GMCL1: variants seen among roughly 807,000 people sequenced by gnomAD.
GMCL1 encodes the protein germ cell-less protein-like 1.
A neutral mutation model predicts 75.5 loss-of-function variants in GMCL1; 54 were observed. That is an observed-to-expected ratio of 0.71 (90% CI 0.57 to 0.90). GMCL1 has a LOEUF of 0.90. Among genes scored for constraint, GMCL1 ranks in the 40% least tolerant of loss-of-function variants. GMCL1 has a pLI of 0.00. For missense variants in GMCL1, 537 were observed against 622.7 expected (o/e 0.86, Z 1.47); for synonymous variants, 210 against 209.6 (o/e 1.00, Z -0.02).
intron 8 of GMCL1, among the ~76,000 whole-genome samples, chr2:69,851,472 T>C (rs1165133139): frequency 6.6e-6 from 1 of 152,056 alleles, no homozygotes; most frequent in Non-Finnish European, 1.5e-5. Context: ...TAGCCGGGTA[T>C]GGTGGTGGTC....
chr2:69,869,743 A>G lies in GMCL1; in HGVS notation c.1243A>G (p.Asn415Asp), dbSNP rs747958219. Residue 415 changes from asparagine (N) to aspartate (D), a missense_variant, in exon 12 of 14, where the codon AAC (asparagine) becomes GAC (aspartate). Asn to Asp is a conservative substitution (Grantham distance 23, BLOSUM62 1). Coordinates refer to ENST00000282570, the MANE Select transcript of GMCL1 (RefSeq NM_178439.5). The stretch of plus-strand genomic sequence containing the variant: ...GTACTGCTGGCGTTGGACAGGTTTT[A>G]ACTTCGGCTTCGACCTACTTGTAAC... ...GEYCWRWTGF[N>D]FGFDLLVTYT... 6.2e-7 allele frequency: 1 copy of G among 1,614,008 alleles called. No individual in the cohort carries two copies. The highest frequency in any genetic ancestry group is 1.1e-5 in the South Asian group (1 of 91,072).
chr2:69,876,027 A>G (rs980351325), intron 13 of GMCL1, among the ~76,000 whole-genome samples: 2 of 152,106 alleles, frequency 1.3e-5, no homozygotes, highest in Admixed American at 6.5e-5. Context: ...GAAATGAATC[A>G]TTTGTTCTAA....
chr2:69,858,700 G>A (rs1344320568), intron 9 of GMCL1, among the ~76,000 whole-genome samples: 2 of 152,054 alleles, frequency 1.3e-5, no homozygotes, highest in African/African-American at 4.8e-5. Flanking sequence ...GAATCCTTGA[G>A]CTACCAATGA....
chr2:69,871,828 A>T lies in GMCL1; in HGVS notation c.1448A>T (p.Asp483Val). Reference sequence around the variant, plus strand: ...TATCAAATACTTACACTTGAAAAGGATCAGGTATGTTCGATTATCTTCTGG... The same window carrying T: ...TATCAAATACTTACACTTGAAAAGGTTCAGGTATGTTCGATTATCTTCTGG... ...TGYQILTLEK[D>V]QEQVVMNLDS... is the part of the protein sequence containing the mutation. Residue 483 changes from aspartate to valine, a missense_variant, in exon 13 of 14, where the codon GAT (aspartate) becomes GTT (valine). Asp to Val is a radical substitution (Grantham distance 152, BLOSUM62 -3). Around this residue, in one of 3 missense-constraint regions of GMCL1, gnomAD observed 345 missense variants for 410.5 expected, o/e 0.84. Transcript: ENST00000282570. 6.4e-7 allele frequency: 1 copy of T among 1,558,650 alleles called. No homozygotes were observed. Among genetic ancestry groups the T allele is most frequent in the African/African-American group, 1.4e-5 (1 of 73,456 alleles).
At chr2:69,853,440 CTT>C (rs1344600954) in intron 8 of GMCL1, among the ~76,000 whole-genome samples, 1 of 152,142 alleles carries the variant, frequency 6.6e-6, no homozygotes, top group Admixed American at 6.5e-5. Flanking sequence ...ACTTGGCTGT[CTT>C]TTTACAATTT....
Position 69,829,747 on chromosome 2 carries a change from T to G in GMCL1, c.-146T>G. 1 of 898,132 alleles carries G rather than the reference T, an allele frequency of 1.1e-6. No homozygotes were observed. Among genetic ancestry groups the G allele is most frequent in the Non-Finnish European group, 1.6e-6 (1 of 614,352 alleles). The allele number at this position is 898,132 out of a possible 1,614,324, so 55.6% of individuals were successfully genotyped here. On this transcript the variant is annotated 5_prime_UTR_variant, in exon 1 of 14. Transcript: ENST00000282570. ...TGCGGGCGGGGAAGAGGATGGAGAC[T>G]GTGGCGTCCGCTGCAACGGTTGGGG...
intron 11 of GMCL1, among the ~76,000 whole-genome samples, chr2:69,868,562 T>C (rs1249994446): frequency 1.3e-5 from 2 of 151,510 alleles, no homozygotes; most frequent in Non-Finnish European, 2.9e-5. Flanking sequence ...TATTTTTATT[T>C]TTATTTTTTT....
chr2:69,843,372 A>G (rs1675041270), intron 5 of GMCL1, 111 bp downstream of exon 5: 1 of 582,716 alleles, frequency 1.7e-6, no homozygotes, highest in Non-Finnish European at 3.1e-6. Context: ...GAAAAATAGG[A>G]TAGGGGGATG....
chr2:69,856,781 C>T (rs2104001583), intron 9 of GMCL1, among the ~76,000 whole-genome samples: 1 of 151,678 alleles, frequency 6.6e-6, no homozygotes, highest in African/African-American at 2.4e-5. Context: ...ACTTTCCAAA[C>T]CATTATTGCA....
intron 1 of GMCL1, among the ~76,000 whole-genome samples, chr2:69,833,433 A>C (rs10171779): frequency 0.066 from 10,099 of 152,028 alleles, 1,138 homozygotes; most frequent in African/African-American, 0.23. Flanking sequence ...TGACCAACAC[A>C]GTGAAACCCC....
intron 10 of GMCL1, among the ~76,000 whole-genome samples, chr2:69,864,156 G>T (rs1675739231): frequency 6.6e-6 from 1 of 151,740 alleles, no homozygotes; most frequent in Non-Finnish European, 1.5e-5. Context: ...TGGATATCAA[G>T]GATATGTTTT....
chr2:69,830,182 C>T (rs1478620507), intron 1 of GMCL1, 30 bp downstream of exon 1: 2 of 1,542,572 alleles, frequency 1.3e-6, no homozygotes, highest in East Asian at 2.4e-5. Flanking sequence ...CGCGCGGACC[C>T]GGACCCGCAC....
At chr2:69,845,149 C>G (rs1213523737) in intron 6 of GMCL1, among the ~76,000 whole-genome samples, 1 of 152,212 alleles carries the variant, frequency 6.6e-6, no homozygotes, top group Non-Finnish European at 1.5e-5. Context: ...TAGCGCCACA[C>G]AGGGTCCCAT....
intron 11 of GMCL1, among the ~76,000 whole-genome samples, chr2:69,865,741 A>G (rs1254511407): frequency 1.3e-5 from 2 of 152,182 alleles, no homozygotes; most frequent in Non-Finnish European, 1.5e-5. Flanking sequence ...CTGTGCATCC[A>G]GAAATTATTT....
In GMCL1 at chr2:69,829,672, A is replaced by C. The variant is rs1674608562; in HGVS notation, c.-221A>C. 1.9e-6 allele frequency: 1 copy of C among 527,962 alleles called. No homozygotes were observed. Among genetic ancestry groups the C allele is most frequent in the Non-Finnish European group, 3.3e-6 (1 of 306,580 alleles). 32.7% of individuals were successfully genotyped at this position (527,962 alleles called of 1,614,324 possible). A position where few individuals can be genotyped will look rare whatever the true frequency, so the allele number is the denominator to read the frequency against. On this transcript the variant is annotated 5_prime_UTR_variant, in exon 1 of 14. Coordinates refer to ENST00000282570, the MANE Select transcript of GMCL1 (RefSeq NM_178439.5). ...CCCTCCGTCCCGCGCTTTGTTGCGAAAGCGAGGGGGCGAGGTGCTGCGGTG... is the reference window on the plus strand; with the variant it reads ...CCCTCCGTCCCGCGCTTTGTTGCGACAGCGAGGGGGCGAGGTGCTGCGGTG...
At chr2:69,830,223 G>T (rs1246309178) in intron 1 of GMCL1, 71 bp downstream of exon 1, 43 of 1,487,494 alleles carry the variant, frequency 2.9e-5, no homozygotes, top group Non-Finnish European at 3.8e-5. Context: ...CCGGCGCCTC[G>T]TGCGCTTGCG....
At chr2:69,832,410 A>G (rs1408659322) in intron 1 of GMCL1, among the ~76,000 whole-genome samples, 2 of 152,226 alleles carry the variant, frequency 1.3e-5, no homozygotes, top group East Asian at 1.9e-4. Flanking sequence ...CCCCTTTATC[A>G]TAACAAAATG....
chr2:69,877,171 T>C (rs1676150396), intron 13 of GMCL1, among the ~76,000 whole-genome samples: 1 of 152,232 alleles, frequency 6.6e-6, no homozygotes. Context: ...ATAAAGGTAC[T>C]TCAATGCAAA....
chr2:69,842,073 A>G lies in GMCL1; in HGVS notation c.579+1034A>G, dbSNP rs191438974. Among the ~76,000 whole-genome samples the G allele has an allele frequency of 2.6e-4, 40 of 152,356 alleles. 3 individuals carry two copies. The East Asian group carries it at 4.8e-3, about 18-fold the overall frequency. On this transcript the variant is annotated intron_variant, in intron 4 of 13. Coordinates refer to ENST00000282570, the MANE Select transcript of GMCL1 (RefSeq NM_178439.5). Reference sequence around the variant, plus strand: ...GAAAGAATACTTCAGTAACAATGTGACAGATGAATTGAAGGAAAGATGAGT... The same window carrying G: ...GAAAGAATACTTCAGTAACAATGTGGCAGATGAATTGAAGGAAAGATGAGT...
Sources: gnomAD v4.1 joint callset for allele counts (sites outside exome capture counted in the v4.1 genomes callset) on GRCh38, gnomAD v4.1.1 for gene constraint, gnomAD v4.1.1 regional missense constraint, MANE v1.5 for transcripts, NCBI Gene and HGNC (gene_info 2026-07-23, HGNC 2026-07-21) for gene names.